Variants in CCDC25 observed in about 807,000 individuals in gnomAD.
The protein encoded by CCDC25 is coiled-coil domain containing 25.
A neutral mutation model predicts 35.3 loss-of-function variants in CCDC25; 16 were observed. The ratio of observed to expected loss-of-function variants is 0.45; its 90% CI spans 0.31 to 0.69. CCDC25 has a LOEUF of 0.69. CCDC25 is among the 30% of genes least tolerant of loss of function. The pLI is 0.06. For missense variants in CCDC25, 179 were observed against 250.7 expected, an observed-to-expected ratio of 0.71 and a Z score of 1.93; for synonymous variants, 79 against 80.3, an observed-to-expected ratio of 0.98 and a Z score of 0.09.
chr8:27,766,701 T>C (rs1038731835), intron 1 of CCDC25, among the ~76,000 whole-genome samples: 1 of 152,174 alleles, frequency 6.6e-6, no homozygotes, highest in Non-Finnish European at 1.5e-5. Context: ...AATGTTACCA[T>C]AATAGAGTAC....
intron 2 of CCDC25, 38 bp from the exon 3 acceptor site, chr8:27,762,496 G>C (rs769098871): frequency 6.3e-7 from 1 of 1,591,366 alleles, no homozygotes; most frequent in Admixed American, 1.7e-5. Context: ...AACAAAAACT[G>C]TCAAATGAAG....
intron 5 of CCDC25, among the ~76,000 whole-genome samples, chr8:27,748,942 G>C (rs1011525968): frequency 3.3e-5 from 5 of 152,070 alleles, no homozygotes; most frequent in Non-Finnish European, 5.9e-5. Context: ...AGAAGTCCTT[G>C]ACTCTGAAGG....
chr8:27,749,419 G>A, intron 5 of CCDC25, among the ~76,000 whole-genome samples: 1 of 152,172 alleles, frequency 6.6e-6, no homozygotes, highest in East Asian at 1.9e-4. Context: ...CACCAAAAAT[G>A]GCACAAAATG....
chr8:27,741,807 A>G (rs754980799), intron 7 of CCDC25, among the ~76,000 whole-genome samples: 7 of 152,248 alleles, frequency 4.6e-5, no homozygotes, highest in Non-Finnish European at 8.8e-5. Context: ...TCCATTCACA[A>G]TAACAGTATT....
rs186227445 is a variant in CCDC25 at position 27,739,379 on chromosome 8, T to C, written c.597+1093A>G. 1.6e-3 allele frequency among the ~76,000 whole-genome samples: 249 copies of C among 152,302 alleles called. 2 individuals are homozygous for C. The highest frequency in any genetic ancestry group is 5.7e-3 in the African/African-American group (235 of 41,576). ...GATGTAAAATCCTATTACTTCTAAT[T>C]CATGCACTAAATCTGAGGTTTGACT... On this transcript the variant is annotated intron_variant, in intron 8 of 8. Transcript: ENST00000356537.
intron 7 of CCDC25, among the ~76,000 whole-genome samples, chr8:27,744,436 T>C (rs1242849119): frequency 6.6e-6 from 1 of 152,144 alleles, no homozygotes; most frequent in East Asian, 1.9e-4. Flanking sequence ...ACACACAGCA[T>C]TATTTACAGT....
chr8:27,740,039 C>T (rs1803381852), intron 8 of CCDC25, among the ~76,000 whole-genome samples: 1 of 152,116 alleles, frequency 6.6e-6, no homozygotes, highest in South Asian at 2.1e-4. Flanking sequence ...TTCACTGAGT[C>T]ACATAAGATC....
intron 4 of CCDC25, 95 bp from the exon 5 acceptor site, chr8:27,752,682 G>A (rs1192759991): frequency 1.2e-6 from 1 of 841,848 alleles, no homozygotes; most frequent in African/African-American, 1.7e-5. Context: ...TACTAGGCAT[G>A]ATTTTACTAA....
At chr8:27,753,996 AG>A (rs1194448522) in intron 4 of CCDC25, among the ~76,000 whole-genome samples, 2 of 152,222 alleles carry the variant, frequency 1.3e-5, no homozygotes, top group African/African-American at 2.4e-5. Context: ...AAAACCCAAA[AG>A]GGTTTTGGAA....
chr8:27,746,605 T>C (rs756901676), intron 7 of CCDC25, among the ~76,000 whole-genome samples: 35 of 152,212 alleles, frequency 2.3e-4, no homozygotes, highest in Non-Finnish European at 3.4e-4. Context: ...AAATCCTGCA[T>C]CACTCAGAAT....
chr8:27,763,315 T>TA (rs1185238553), intron 2 of CCDC25, among the ~76,000 whole-genome samples: 2 of 152,230 alleles, frequency 1.3e-5, no homozygotes, highest in African/African-American at 4.8e-5. Context: ...AAGGCTAATA[T>TA]ATATCACTAC....
intron 8 of CCDC25, among the ~76,000 whole-genome samples, chr8:27,736,921 T>G (rs1438016969): frequency 6.6e-6 from 1 of 152,232 alleles, no homozygotes; most frequent in Non-Finnish European, 1.5e-5. Flanking sequence ...CAACATTCAC[T>G]AAGAGTGTGC....
chr8:27,769,748 T>G (rs959652112), intron 1 of CCDC25, among the ~76,000 whole-genome samples: 1 of 152,130 alleles, frequency 6.6e-6, no homozygotes, highest in Non-Finnish European at 1.5e-5. Flanking sequence ...AAGAGTAGGG[T>G]CTGTGAGTTA....
intron 7 of CCDC25, among the ~76,000 whole-genome samples, chr8:27,746,570 A>G (rs547977377): frequency 1.3e-5 from 2 of 152,296 alleles, no homozygotes; most frequent in African/African-American, 4.8e-5. Context: ...CTCCAAACTC[A>G]AAACAAAAAA....
chr8:27,748,025 T>A, intron 7 of CCDC25, 52 bp downstream of exon 7: 1 of 1,546,558 alleles, frequency 6.5e-7, no homozygotes, highest in Non-Finnish European at 8.9e-7. Flanking sequence ...ATGATTAAAA[T>A]CATCAGGGAA....
intron 8 of CCDC25, among the ~76,000 whole-genome samples, chr8:27,738,180 C>T (rs1288736127): frequency 1.3e-5 from 2 of 151,958 alleles, no homozygotes; most frequent in Non-Finnish European, 2.9e-5. Context: ...GCTTGGGTGA[C>T]GGATGCACCA....
At chr8:27,762,799 T>C (rs1257507399) in intron 2 of CCDC25, among the ~76,000 whole-genome samples, 1 of 152,188 alleles carries the variant, frequency 6.6e-6, no homozygotes, top group South Asian at 2.1e-4. Flanking sequence ...TACTTAAACA[T>C]TAAAAAGAAC....
At chr8:27,752,375 A>G in intron 5 of CCDC25, 137 bp downstream of exon 5, 1 of 652,072 alleles carries the variant, frequency 1.5e-6, no homozygotes. Context: ...ATCTTAAAGA[A>G]CAAAACATGG....
intron 3 of CCDC25, among the ~76,000 whole-genome samples, chr8:27,761,321 C>T (rs1252242935): frequency 6.6e-6 from 1 of 152,158 alleles, no homozygotes; most frequent in East Asian, 1.9e-4. Flanking sequence ...GAAGCAGTGA[C>T]TTAGAACCAG....
Sources: allele counts gnomAD v4.1 joint callset (sites outside exome capture counted in the v4.1 genomes callset), GRCh38; gene constraint gnomAD v4.1.1; transcripts MANE v1.5; gene names NCBI Gene and HGNC (gene_info 2026-07-23, HGNC 2026-07-21).